PHF20L1: variants seen among roughly 807,000 people sequenced by gnomAD.
PHF20L1 encodes PHD finger protein 20-like protein 1.
Under a neutral mutation model 125.5 loss-of-function variants are expected in PHF20L1, and 44 were observed. That is an observed-to-expected ratio of 0.35 (90% CI 0.28 to 0.45). The LOEUF (loss-of-function observed/expected upper bound fraction) is 0.45. Among genes scored for constraint, PHF20L1 ranks in the 20% least tolerant of loss-of-function variants. The pLI is 1.00. For synonymous variants in PHF20L1, 380 were observed against 403.1 expected (o/e 0.94, Z 0.69); for missense variants, 1,012 against 1,217.2 (o/e 0.83, Z 2.51).
chr8:132,797,530 T>C (rs1314099156), intron 4 of PHF20L1, among the ~76,000 whole-genome samples: 2 of 151,976 alleles, frequency 1.3e-5, no homozygotes, highest in African/African-American at 2.4e-5. Context: ...AGCTGAGTTT[T>C]TCTGGAATGC....
chr8:132,837,661 CTTATTCCTAGT>C (rs759831963), intron 16 of PHF20L1, 40 bp from the exon 17 acceptor site: 10 of 1,411,510 alleles, frequency 7.1e-6, no homozygotes, highest in Non-Finnish European at 1.0e-5. Context: ...TTATTCCTAG[CTTATTCCTAGT>C]GAGGATCGGG....
Position 132,817,500 on chromosome 8 carries a change from T to C in PHF20L1, c.1534T>C (p.Ser512Pro), listed in dbSNP as rs1353298270. ...KEDTQMLPNPSSKAIADGRGA... is the reference protein window; with the variant it reads ...KEDTQMLPNPPSKAIADGRGA... Reference sequence around the variant, plus strand: ...GGATACACAGATGCTTCCAAATCCTTCTTCCAAAGCAATAGCTGATGGAAG... The same window carrying C: ...GGATACACAGATGCTTCCAAATCCTCCTTCCAAAGCAATAGCTGATGGAAG... The change falls in exon 12 of 21, where the codon TCT (serine) becomes CCT (proline). Residue 512 changes from serine to proline, a missense_variant. Ser to Pro is a moderately conservative substitution (Grantham distance 74). This residue lies in a region of PHF20L1 where 320 missense variants were observed against 293.8 expected (regional missense o/e 1.09). Coordinates refer to ENST00000395386, the MANE Select transcript of PHF20L1 (RefSeq NM_016018.5). 2 of 1,611,908 alleles carry C rather than the reference T, an allele frequency of 1.2e-6. No individual in the cohort carries two copies. The highest frequency in any genetic ancestry group is 1.7e-6 in the Non-Finnish European group (2 of 1,178,988).
intron 1 of PHF20L1, among the ~76,000 whole-genome samples, 176 bp downstream of exon 1, chr8:132,775,821 C>A (rs774245723): frequency 4.0e-4 from 61 of 152,282 alleles, no homozygotes; most frequent in African/African-American, 1.4e-3. Context: ...TTCCTTACCC[C>A]CCTGCGGAGG....
chr8:132,835,252 A>G (rs2131871074), intron 15 of PHF20L1, among the ~76,000 whole-genome samples: 1 of 152,246 alleles, frequency 6.6e-6, no homozygotes, highest in South Asian at 2.1e-4. Context: ...TATTCTAGTA[A>G]GAGAAGACAG....
intron 15 of PHF20L1, among the ~76,000 whole-genome samples, chr8:132,833,013 G>T (rs532903594): frequency 1.3e-5 from 2 of 152,084 alleles, no homozygotes; most frequent in African/African-American, 4.8e-5. Context: ...GTCCAGTCCT[G>T]ACAGTGGAAA....
At chr8:132,816,594 A>G (rs958178140) in intron 10 of PHF20L1, 15 of 254,596 alleles carry the variant, frequency 5.9e-5, no homozygotes, top group African/African-American at 1.1e-4. Context: ...ACGATCTGCA[A>G]TTAGAGAAAT....
chr8:132,820,713 T>C (rs35767445), intron 12 of PHF20L1, among the ~76,000 whole-genome samples: 2,076 of 152,060 alleles, frequency 0.014, 19 homozygotes, highest in Middle Eastern at 0.11. Flanking sequence ...TGTTGATGTT[T>C]TACTTATCAT....
intron 4 of PHF20L1, among the ~76,000 whole-genome samples, chr8:132,796,440 T>A (rs1832400301): frequency 6.6e-6 from 1 of 152,038 alleles, no homozygotes; most frequent in Non-Finnish European, 1.5e-5. Flanking sequence ...TAAGAGAAGA[T>A]AGAAGAGGAA....
At position 132,848,712 on chromosome 8, in the gene PHF20L1, T is replaced by TA. The variant is rs1376736863; in HGVS notation, c.*2790dup. ...AAACCCCTTTTCCTAACACTCATCT[T>TA]ATTTCCACTGTCTTATTTCCTCTCA... On this transcript the variant is annotated 3_prime_UTR_variant, in exon 21 of 21. Transcript: ENST00000395386. 6.6e-6 allele frequency: 1 copy of TA among 151,162 alleles called. No individual in the cohort carries two copies. Among genetic ancestry groups the TA allele is most frequent in the Non-Finnish European group, 1.5e-5 (1 of 67,654 alleles). 9.4% of individuals were successfully genotyped at this position (151,162 alleles called of 1,614,324 possible). A position where few individuals can be genotyped will look rare whatever the true frequency, so the allele number is the denominator to read the frequency against.
intron 10 of PHF20L1, chr8:132,815,137 C>G (rs1834811535): frequency 3.3e-6 from 1 of 305,792 alleles, no homozygotes; most frequent in Non-Finnish European, 6.0e-6. Context: ...TTTGACTCTC[C>G]TCAACTCATA....
At chr8:132,804,441 C>G (rs557011769) in intron 7 of PHF20L1, 174 bp from the exon 8 acceptor site, 79 of 462,816 alleles carry the variant, frequency 1.7e-4, no homozygotes, top group Non-Finnish European at 1.9e-5. Context: ...CTTTAGTAGT[C>G]TTTTATTTCT....
rs1311494347 is a variant in PHF20L1 at position 132,816,891 on chromosome 8, C to G, written c.1187C>G (p.Pro396Arg). 1 of 1,608,546 alleles carries G rather than the reference C, an allele frequency of 6.2e-7. No individual in the cohort carries two copies. Among genetic ancestry groups the G allele is most frequent in the Non-Finnish European group, 8.5e-7 (1 of 1,176,238 alleles). Residue 396 changes from proline to arginine, a missense_variant, in exon 11 of 21, where the codon CCT becomes CGT. By Grantham distance (103) the Pro-to-Arg change is moderately radical. Transcript: ENST00000395386. ...LSSSVINKTS[P>R]PQPVNPPRPF... ...AACATTGAAGATCTTTTTCTAGGTC[C>G]TCCACAGCCTGTGAATCCCCCTAGA...
intron 6 of PHF20L1, chr8:132,800,009 C>T (rs1465437211): frequency 6.7e-6 from 1 of 149,624 alleles, no homozygotes; most frequent in Non-Finnish European, 1.5e-5. Context: ...AGGTTGGGAA[C>T]ATTGTATATA....
At chr8:132,811,504 T>G in intron 9 of PHF20L1, 1 of 991,562 alleles carries the variant, frequency 1.0e-6, no homozygotes, top group African/African-American at 1.7e-5. Flanking sequence ...TGTAAGAAGT[T>G]TCTTTTATAT....
chr8:132,831,396 A>G (rs901496702), intron 14 of PHF20L1, among the ~76,000 whole-genome samples: 4 of 150,974 alleles, frequency 2.6e-5, no homozygotes, highest in African/African-American at 4.9e-5. Context: ...TATACCCTCA[A>G]CTCTCCAGTA....
At chr8:132,814,923 C>T in intron 10 of PHF20L1, 34 bp downstream of exon 10, 1 of 1,432,796 alleles carries the variant, frequency 7.0e-7, no homozygotes, top group African/African-American at 1.4e-5. Flanking sequence ...AGTTATTTAT[C>T]CTATAAGATA....
At chr8:132,818,019 G>C (rs1325220927) in intron 12 of PHF20L1, 3 of 152,368 alleles carry the variant, frequency 2.0e-5, no homozygotes. Flanking sequence ...TAAATTTGCT[G>C]TAAAGTTATT....
At chr8:132,804,815 G>A (rs1386266804) in intron 8 of PHF20L1, 75 bp downstream of exon 8, 1 of 1,321,392 alleles carries the variant, frequency 7.6e-7, no homozygotes, top group African/African-American at 1.5e-5. Flanking sequence ...TTTTAATGAA[G>A]TAAAATGGTT....
Position 132,803,878 on chromosome 8 carries a change from T to C in PHF20L1, c.567T>C (p.Ser189=). Residue 189 remains serine, a synonymous_variant, in exon 7 of 21, where the codon AGT becomes AGC. Transcript: ENST00000395386. ...CTGCAGCCAAGAACAAAACAGGGAG[T>C]AAACCTCGAACCAGCGCTAACAGCA... The part of the protein sequence containing the change: ...AAAAAKNKTG[S]KPRTSANSNK... 6.2e-7 allele frequency: 1 copy of C among 1,610,248 alleles called. No individual in the cohort carries two copies. The highest frequency in any genetic ancestry group is 8.5e-7 in the Non-Finnish European group (1 of 1,177,732).
Sources: allele counts gnomAD v4.1 joint callset (sites outside exome capture counted in the v4.1 genomes callset), GRCh38; gene constraint gnomAD v4.1.1; regional missense constraint gnomAD v4.1.1; transcripts MANE v1.5; gene names NCBI Gene and HGNC (gene_info 2026-07-23, HGNC 2026-07-21).